SYDE2: variants seen among roughly 807,000 people sequenced by gnomAD.
The protein encoded by SYDE2 is synapse defective Rho GTPase homolog 2.
SYDE2 carries 76 observed loss-of-function variants against 91.5 expected under a neutral mutation model. That is an observed-to-expected ratio of 0.83 (90% CI 0.69 to 1.01). SYDE2 has a LOEUF of 1.01. Ranked by LOEUF, SYDE2 falls within the 50% of genes least tolerant of loss-of-function variation. The pLI, the probability that SYDE2 is intolerant of heterozygous loss-of-function variation, is 0.00. For synonymous variants in SYDE2, 513 were observed against 506.4 expected, an observed-to-expected ratio of 1.01 and a Z score of -0.18; for missense variants, 1,364 against 1,367.7, an observed-to-expected ratio of 1.00 and a Z score of 0.04.
At chr1:85,194,431 TTAAA>T (rs1658501615) in intron 1 of SYDE2, among the ~76,000 whole-genome samples, 1 of 148,044 alleles carries the variant, frequency 6.8e-6, no homozygotes, top group South Asian at 2.1e-4. Flanking sequence ...TGCCTATATA[TTAAA>T]TTATATATTA....
At chr1:85,194,010 T>C (rs1199428111) in intron 1 of SYDE2, among the ~76,000 whole-genome samples, 1 of 152,162 alleles carries the variant, frequency 6.6e-6, no homozygotes, top group Non-Finnish European at 1.5e-5. Flanking sequence ...AAATACATGA[T>C]GCTGAACTTT....
At position 85,159,230 on chromosome 1, in the gene SYDE2, T is replaced by A; in HGVS notation, c.3105A>T (p.Lys1035Asn). The change falls in exon 7 of 7, where the codon AAA becomes AAT. Residue 1035 changes from lysine to asparagine, a missense_variant. Coordinates refer to ENST00000341460, the MANE Select transcript of SYDE2 (RefSeq NM_032184.2). ...CTGGGAATAAATTGTCTGTTGATTT[T>A]TTGACAGTTAAACGCTGCACTAGAA... ...QLWPVQRLTV[K>N]KSTDNLFPEQ... 1 of 780,494 alleles carries A rather than the reference T, an allele frequency of 1.3e-6. No individual in the cohort carries two copies. The highest frequency in any genetic ancestry group is 2.4e-6 in the Non-Finnish European group (1 of 417,946). The allele number at this position is 780,494 out of a possible 1,614,324, so 48.3% of individuals were successfully genotyped here.
rs1427438757 is a variant in SYDE2 at position 85,182,318 on chromosome 1, G to A, written c.2324C>T (p.Thr775Ile). 1 of 1,613,852 alleles carries A rather than the reference G, an allele frequency of 6.2e-7. No homozygotes were observed. Among genetic ancestry groups the A allele is most frequent in the Non-Finnish European group, 8.5e-7 (1 of 1,179,842 alleles). Residue 775 changes from threonine (T) to isoleucine (I), a missense_variant, in exon 3 of 7, where the codon ACT becomes ATT. Physicochemically the swap from Thr to Ile is moderately conservative, Grantham distance 89. Coordinates refer to ENST00000341460, the MANE Select transcript of SYDE2 (RefSeq NM_032184.2). ...VLPTLFRVTK[T>I]HQLAVKLEPR... is the part of the protein sequence containing the mutation. ...TTCAAGTTTGACAGCCAACTGATGA[G>A]TCTTTGTCACTCTAAATAAGGTGGG...
intron 5 of SYDE2, 136 bp from the exon 6 acceptor site, chr1:85,164,893 G>T: frequency 2.0e-6 from 1 of 505,276 alleles, no homozygotes; most frequent in Non-Finnish European, 3.2e-6. Flanking sequence ...TAAATTGGAT[G>T]TTTGGAACCT....
At chr1:85,197,665 AT>A (rs1658638245) in intron 1 of SYDE2, among the ~76,000 whole-genome samples, 1 of 151,984 alleles carries the variant, frequency 6.6e-6, no homozygotes, top group South Asian at 2.1e-4. Context: ...TTATTTATTT[AT>A]TTTTTTGAGA....
intron 6 of SYDE2, among the ~76,000 whole-genome samples, chr1:85,162,302 A>G (rs1235768738): frequency 2.0e-5 from 3 of 152,252 alleles, no homozygotes; most frequent in East Asian, 3.8e-4. Context: ...TATTGAATGC[A>G]TGGAGATAGG....
chr1:85,174,655 T>TA (rs1657626479), intron 4 of SYDE2, among the ~76,000 whole-genome samples: 2 of 151,592 alleles, frequency 1.3e-5, no homozygotes, highest in Admixed American at 1.3e-4. Context: ...TTACCTCACT[T>TA]ACTCTTTTTG....
chr1:85,176,307 TAAAAG>T (rs921353837), intron 4 of SYDE2, among the ~76,000 whole-genome samples: 4 of 152,100 alleles, frequency 2.6e-5, no homozygotes, highest in African/African-American at 9.7e-5. Flanking sequence ...ATATAAAAAT[TAAAAG>T]GAACCATTAT....
chr1:85,200,599 C>T lies in SYDE2; in HGVS notation c.398G>A (p.Arg133His). 1 of 1,567,254 alleles carries T rather than the reference C, an allele frequency of 6.4e-7. No homozygotes were observed. The stretch of plus-strand genomic sequence containing the variant: ...GCCGGTGGGTGCAGCCGCCCGGGCG[C>T]GGTCCCCACTCCAGCCGTCCATCCT... ...GGRMDGWSGD[R>H]ARAAAPTGLQ... The change falls in exon 1 of 7, where the codon CGC becomes CAC. Residue 133 changes from arginine (R) to histidine (H), a missense_variant. By Grantham distance (29) the Arg-to-His change is conservative. Coordinates refer to ENST00000341460, the MANE Select transcript of SYDE2 (RefSeq NM_032184.2).
intron 1 of SYDE2, among the ~76,000 whole-genome samples, chr1:85,197,384 A>G (rs1658628049): frequency 6.6e-6 from 1 of 152,242 alleles, no homozygotes; most frequent in Admixed American, 6.5e-5. Flanking sequence ...ATTCCACTGA[A>G]TAATTATTCT....
rs753541489 is a variant in SYDE2, at chr1:85,182,480, C to T, written c.2162G>A (p.Cys721Tyr). Residue 721 changes from cysteine (C) to tyrosine (Y), a missense_variant, in exon 3 of 7, where the codon TGC (cysteine) becomes TAC (tyrosine). Cys to Tyr is a radical substitution (Grantham distance 194). Transcript: ENST00000341460. ...ATCCATGTCTAAAAATGTTGTTCGG[C>T]ATGTGAGCAAAGCTGTTCTTGCTTT... is the stretch of plus-strand genomic sequence containing the variant. ...VNKARTALLT[C>Y]RTTFLDMDHT... The T allele has an allele frequency of 1.9e-6, 3 of 1,613,734 alleles. No individual in the cohort carries two copies. The Admixed American group carries it at 5.0e-5, about 27-fold the overall frequency.
downstream of SYDE2, chr1:85,153,633 A>G (rs1656819717): frequency 6.6e-6 from 1 of 152,196 alleles, no homozygotes; most frequent in South Asian, 2.1e-4. Context: ...GTAATGGAGA[A>G]TGAGGATGTT....
rs1170615642 is a variant in SYDE2 at position 85,200,646 on chromosome 1, G to A, written c.351C>T (p.Asp117=). 2 of 1,541,034 alleles carry A rather than the reference G, an allele frequency of 1.3e-6. No homozygotes were observed. The highest frequency in any genetic ancestry group is 2.0e-5 in the Admixed American group (1 of 51,212). Residue 117 remains aspartate, a synonymous_variant, in exon 1 of 7, where the codon GAC becomes GAT. Transcript: ENST00000341460. The part of the protein sequence containing the change: ...WIRCGAHRDW[D]EPPPRGGRMD... The stretch of plus-strand genomic sequence containing the variant: ...TCCTGCCTCCACGTGGCGGGGGCTC[G>A]TCCCAGTCCCGGTGCGCGCCGCACC...
At chr1:85,166,923 T>C (rs1465886859) in intron 5 of SYDE2, among the ~76,000 whole-genome samples, 1 of 152,148 alleles carries the variant, frequency 6.6e-6, no homozygotes, top group Non-Finnish European at 1.5e-5. Context: ...TTTTGAAAAT[T>C]AGTCTGGCTG....
chr1:85,177,861 A>C (rs560636192), intron 4 of SYDE2, among the ~76,000 whole-genome samples: 24 of 152,280 alleles, frequency 1.6e-4, no homozygotes, highest in African/African-American at 5.5e-4. Flanking sequence ...CAACTTCCAA[A>C]GCATTTTATT....
At chr1:85,194,957 G>A (rs1302216428) in intron 1 of SYDE2, 6 of 334,776 alleles carry the variant, frequency 1.8e-5, no homozygotes, top group African/African-American at 4.5e-5. Flanking sequence ...TCAGGAGATC[G>A]AGACCATCCT....
intron 6 of SYDE2, among the ~76,000 whole-genome samples, chr1:85,164,175 TAA>T (rs896934562): frequency 1.6e-4 from 24 of 152,174 alleles, no homozygotes; most frequent in African/African-American, 5.8e-4. Context: ...AAAATCCTAA[TAA>T]AAATCTATAA....
rs1431706914 is a variant in SYDE2, at chr1:85,200,700, G to A, written c.297C>T (p.Phe99=). 6.5e-7 allele frequency: 1 copy of A among 1,536,704 alleles called. No homozygotes were observed. Among genetic ancestry groups the A allele is most frequent in the Non-Finnish European group, 8.7e-7 (1 of 1,146,800 alleles). ...SLRVGAKPPP[F]QRWPSDSWIR... is the part of the protein sequence containing the mutation. Reference sequence around the variant, plus strand: ...TCCAGCTGTCGCTCGGCCACCGCTGGAAGGGAGGCGGCTTGGCACCCACCC... The same window carrying A: ...TCCAGCTGTCGCTCGGCCACCGCTGAAAGGGAGGCGGCTTGGCACCCACCC... Residue 99 remains phenylalanine (F), a synonymous_variant, in exon 1 of 7, where the codon TTC becomes TTT. Coordinates refer to ENST00000341460, the MANE Select transcript of SYDE2 (RefSeq NM_032184.2).
rs962655210 is a variant in SYDE2, at chr1:85,190,108, G to A, written c.1390C>T (p.Gln464Ter). 5.6e-6 allele frequency: 9 copies of A among 1,613,762 alleles called. No homozygotes were observed. Among genetic ancestry groups the A allele is most frequent in the Non-Finnish European group, 7.6e-6 (9 of 1,179,856 alleles). ...QYKQKLGHKT[Q>*]EGIMVEDSPM... ...CTGTCCTCCACCATTATACCTTCTT[G>A]TGTCTTGTGTCCTAGCTTTTGCTTG... Residue 464 changes from glutamine to a stop codon, truncating the protein, a stop_gained, in exon 2 of 7, where the codon CAA (glutamine) becomes TAA (stop). Coordinates refer to ENST00000341460, the MANE Select transcript of SYDE2 (RefSeq NM_032184.2). LOFTEE classifies it high-confidence loss of function.
Sources: gnomAD v4.1 joint callset for allele counts (sites outside exome capture counted in the v4.1 genomes callset) on GRCh38, gnomAD v4.1.1 for gene constraint, MANE v1.5 for transcripts, NCBI Gene and HGNC (gene_info 2026-07-23, HGNC 2026-07-21) for gene names.